Variants in CSMD1 observed in about 807,000 individuals in gnomAD.
CSMD1 encodes the protein CUB and Sushi multiple domains 1.
In CSMD1, 213 loss-of-function variants were observed where a neutral mutation model predicts 417.5. That is an observed-to-expected ratio of 0.51 (90% CI 0.46 to 0.57). The LOEUF is 0.57. Among genes scored for constraint, CSMD1 ranks in the 20% least tolerant of loss-of-function variants. The probability of loss-of-function intolerance (pLI) is 0.00; values close to 1 mark genes in which losing one functional copy is unlikely to be tolerated. For synonymous variants in CSMD1, 2,862 were observed against 1,736.8 expected, an observed-to-expected ratio of 1.65 and a Z score of -16.11; for missense variants, 6,923 against 4,529.7, an observed-to-expected ratio of 1.53 and a Z score of -15.17.
chr8:3,138,756 C>T (rs1041119746), intron 41 of CSMD1, among the ~76,000 whole-genome samples: 1 of 152,068 alleles, frequency 6.6e-6, no homozygotes, highest in Non-Finnish European at 1.5e-5. Flanking sequence ...AAGTGAGAAT[C>T]GAGACAGAGA....
At chr8:4,470,046 A>T (rs1267982238) in intron 2 of CSMD1, among the ~76,000 whole-genome samples, 2 of 151,310 alleles carry the variant, frequency 1.3e-5, no homozygotes, top group Non-Finnish European at 1.5e-5. Context: ...TTCTTTTTGT[A>T]TTTTTAGTAG....
chr8:3,656,295 T>A (rs906882800), intron 7 of CSMD1, among the ~76,000 whole-genome samples: 1 of 152,094 alleles, frequency 6.6e-6, no homozygotes, highest in African/African-American at 2.4e-5. Flanking sequence ...ACAGAAATAC[T>A]CTCTCAGAAG....
intron 4 of CSMD1, among the ~76,000 whole-genome samples, chr8:4,003,322 G>A (rs1333473740): frequency 6.6e-6 from 1 of 152,102 alleles, no homozygotes; most frequent in African/African-American, 2.4e-5. Flanking sequence ...GAACCTGGGA[G>A]GTGGAGCTTG....
intron 3 of CSMD1, among the ~76,000 whole-genome samples, chr8:4,408,029 C>T (rs185165946): frequency 1.1e-4 from 17 of 152,270 alleles, no homozygotes; most frequent in Admixed American, 9.8e-4. Context: ...CACTTACTCA[C>T]CCTCCTCCCC....
chr8:4,116,858 CT>C (rs1802181814), intron 3 of CSMD1, among the ~76,000 whole-genome samples: 1 of 151,894 alleles, frequency 6.6e-6, no homozygotes, highest in African/African-American at 2.4e-5. Context: ...CTGGCATTTA[CT>C]GTACAATGTG....
intron 3 of CSMD1, among the ~76,000 whole-genome samples, chr8:4,286,425 A>G (rs1364950150): frequency 6.6e-6 from 1 of 152,196 alleles, no homozygotes; most frequent in African/African-American, 2.4e-5. Context: ...GAGAAAAATC[A>G]TGGAGAGTAT....
chr8:4,742,197 A>AT (rs1369199062), intron 1 of CSMD1, among the ~76,000 whole-genome samples: 1 of 150,132 alleles, frequency 6.7e-6, no homozygotes, highest in Non-Finnish European at 1.5e-5. Flanking sequence ...CGCCCGGCTA[A>AT]TTTTTTGTAT....
In CSMD1 at chr8:2,974,527, G is replaced by C; in HGVS notation, c.8664C>G (p.Ser2888Arg). 1.2e-6 allele frequency: 2 copies of C among 1,613,448 alleles called. No individual in the cohort carries two copies. The highest frequency in any genetic ancestry group is 1.7e-6 in the Non-Finnish European group (2 of 1,179,672). ...GAVVHYSCRG[S>R]ESLIGNDTRV... ...TCGTGTCGTTGCCTATGAGGCTCTCGCTCCCTCTGCAGGAGTAGTGCACGA... is the reference window on the plus strand; with the variant it reads ...TCGTGTCGTTGCCTATGAGGCTCTCCCTCCCTCTGCAGGAGTAGTGCACGA... The change falls in exon 56 of 70, where the codon AGC becomes AGG. Residue 2888 changes from serine to arginine, a missense_variant. Ser to Arg is a moderately radical substitution (Grantham distance 110). Transcript: ENST00000635120.
At chr8:3,394,640 G>A (rs1303631105) in intron 17 of CSMD1, among the ~76,000 whole-genome samples, 1 of 151,772 alleles carries the variant, frequency 6.6e-6, no homozygotes, top group African/African-American at 2.4e-5. Flanking sequence ...TGGGGGGAGG[G>A]GTGTGGGAGA....
intron 2 of CSMD1, among the ~76,000 whole-genome samples, chr8:4,615,684 G>C (rs1801436330): frequency 6.6e-6 from 1 of 152,048 alleles, no homozygotes; most frequent in Non-Finnish European, 1.5e-5. Flanking sequence ...ATACCATCTT[G>C]TGCACATAAA....
intron 5 of CSMD1, among the ~76,000 whole-genome samples, chr8:3,931,222 G>C (rs548453563): frequency 6.6e-6 from 1 of 150,592 alleles, no homozygotes; most frequent in South Asian, 2.2e-4. Context: ...ATGAGGTTCG[G>C]AGAATGATAA....
At chr8:4,440,958 C>G (rs1234488323) in intron 2 of CSMD1, among the ~76,000 whole-genome samples, 1 of 151,012 alleles carries the variant, frequency 6.6e-6, no homozygotes, top group South Asian at 2.1e-4. Flanking sequence ...GATCATGCCA[C>G]TGCACTTCAG....
At chr8:4,877,101 A>G (rs1267044687) in intron 1 of CSMD1, among the ~76,000 whole-genome samples, 1 of 152,074 alleles carries the variant, frequency 6.6e-6, no homozygotes, top group Non-Finnish European at 1.5e-5. Context: ...ATTGAATTCC[A>G]TTTATAAAGA....
At chr8:4,229,563 C>G (rs1010278593) in intron 3 of CSMD1, among the ~76,000 whole-genome samples, 1 of 152,194 alleles carries the variant, frequency 6.6e-6, no homozygotes, top group Admixed American at 6.5e-5. Flanking sequence ...ATTCCCCATC[C>G]TCAGCACCTT....
chr8:3,560,813 C>T (rs2116859024), intron 10 of CSMD1, among the ~76,000 whole-genome samples: 1 of 152,276 alleles, frequency 6.6e-6, no homozygotes, highest in African/African-American at 2.4e-5. Context: ...AAAGCAATTT[C>T]ATTTATCCTT....
chr8:4,888,815 T>A (rs2116990313), intron 1 of CSMD1, among the ~76,000 whole-genome samples: 1 of 152,186 alleles, frequency 6.6e-6, no homozygotes, highest in East Asian at 1.9e-4. Flanking sequence ...AAGGCCAACT[T>A]GAAGAGACTT....
intron 2 of CSMD1, among the ~76,000 whole-genome samples, chr8:4,424,120 G>C (rs28768178): frequency 0.17 from 26,465 of 151,796 alleles, 2,504 homozygotes; most frequent in East Asian, 0.27. Flanking sequence ...AAAGGCTTTT[G>C]AGTCTAGGGC....
intron 4 of CSMD1, among the ~76,000 whole-genome samples, chr8:4,029,859 T>C (rs553778157): frequency 6.6e-6 from 1 of 151,866 alleles, no homozygotes; most frequent in African/African-American, 2.4e-5. Flanking sequence ...GGCACAAGAA[T>C]TGGGTAAATA....
chr8:2,990,577 C>G (rs1413909888), intron 54 of CSMD1, among the ~76,000 whole-genome samples: 1 of 152,154 alleles, frequency 6.6e-6, no homozygotes, highest in Non-Finnish European at 1.5e-5. Context: ...CCAGACCACC[C>G]ACATTATCGG....
Sources: allele counts gnomAD v4.1 joint callset (sites outside exome capture counted in the v4.1 genomes callset), GRCh38; gene constraint gnomAD v4.1.1; transcripts MANE v1.5; gene names NCBI Gene and HGNC (gene_info 2026-07-23, HGNC 2026-07-21).